Variants in GRM7 observed in about 807,000 individuals in gnomAD.
GRM7 encodes the protein metabotropic glutamate receptor 7.
In GRM7, 35 loss-of-function variants were observed where a neutral mutation model predicts 84.5. The ratio of observed to expected loss-of-function variants is 0.41; its 90% CI spans 0.32 to 0.55. The LOEUF (loss-of-function observed/expected upper bound fraction) is 0.55. Ranked by LOEUF, GRM7 falls within the 20% of genes least tolerant of loss-of-function variation. The pLI, the probability that GRM7 is intolerant of heterozygous loss-of-function variation, is 0.19. For synonymous variants in GRM7, 487 were observed against 455.1 expected (o/e 1.07, Z -0.89); for missense variants, 1,003 against 1,194.6 (o/e 0.84, Z 2.36).
chr3:7,075,645 C>T (rs1042278900), intron 1 of GRM7, among the ~76,000 whole-genome samples: 8 of 151,926 alleles, frequency 5.3e-5, no homozygotes, highest in African/African-American at 1.9e-4. Flanking sequence ...TGTGCCTCAA[C>T]CTCCTGAGTA....
At chr3:7,271,072 A>G (rs1006099780) in intron 2 of GRM7, among the ~76,000 whole-genome samples, 7 of 152,196 alleles carry the variant, frequency 4.6e-5, no homozygotes, top group Non-Finnish European at 8.8e-5. Flanking sequence ...ACTAGTACAC[A>G]GTTAAAGAAA....
At chr3:7,240,781 G>A (rs566887367) in intron 2 of GRM7, among the ~76,000 whole-genome samples, 16 of 152,146 alleles carry the variant, frequency 1.1e-4, no homozygotes, top group Admixed American at 3.9e-4. Context: ...GACACATGCA[G>A]CATAACAATG....
At chr3:7,091,368 A>G (rs1698657848) in intron 1 of GRM7, among the ~76,000 whole-genome samples, 1 of 152,238 alleles carries the variant, frequency 6.6e-6, no homozygotes, top group Non-Finnish European at 1.5e-5. Flanking sequence ...ACTATAAGAC[A>G]TCATTTCTAC....
intron 1 of GRM7, among the ~76,000 whole-genome samples, chr3:7,091,871 G>T (rs999313468): frequency 6.6e-6 from 1 of 151,112 alleles, no homozygotes; most frequent in African/African-American, 2.4e-5. Context: ...CACAATGTAG[G>T]ACAGTTCTTT....
intron 7 of GRM7, among the ~76,000 whole-genome samples, chr3:7,568,260 A>G (rs73809425): frequency 0.022 from 3,290 of 151,852 alleles, 142 homozygotes; most frequent in African/African-American, 0.073. Context: ...TAAAGACAAG[A>G]TGTATTAGAC....
At chr3:7,340,911 TAGTG>T (rs1385816958) in intron 4 of GRM7, among the ~76,000 whole-genome samples, 1 of 152,028 alleles carries the variant, frequency 6.6e-6, no homozygotes, top group East Asian at 1.9e-4. Context: ...CTAGAACTGG[TAGTG>T]AGGGCTGGTA....
In GRM7 at chr3:7,023,077, A is replaced by G. The variant is rs115814985; in HGVS notation, c.520-123375A>G. Among the ~76,000 whole-genome samples, 130 of 152,134 alleles carry G rather than the reference A, an allele frequency of 8.5e-4. 1 individual carries two copies. The highest frequency in any genetic ancestry group is 1.4e-3 in the Non-Finnish European group (95 of 67,996). ...GGAGGCAGATATCATGAGAAGGCGA[A>G]TGGTGGAGTCGCACAGGAACAAAAG... is the stretch of plus-strand genomic sequence containing the variant. On this transcript the variant is annotated intron_variant, in intron 1 of 9. Transcript: ENST00000357716.
At chr3:7,536,245 A>G (rs1701238192) in intron 7 of GRM7, among the ~76,000 whole-genome samples, 1 of 152,176 alleles carries the variant, frequency 6.6e-6, no homozygotes, top group African/African-American at 2.4e-5. Flanking sequence ...TAATCCCAGG[A>G]AGCATGGTAA....
At position 7,486,602 on chromosome 3, in the gene GRM7, G is replaced by A. The variant is rs1423116284; in HGVS notation, c.1515+24880G>A. Among the ~76,000 whole-genome samples the A allele has an allele frequency of 6.6e-6, 1 of 152,172 alleles. No individual in the cohort carries two copies. The highest frequency in any genetic ancestry group is 1.5e-5 in the Non-Finnish European group (1 of 68,038). The stretch of plus-strand genomic sequence containing the variant: ...AAGTTTGTTCTCTCTGCACACACCT[G>A]CTTCTTTCACTTCTCTGCCATGTTG... On this transcript the variant is annotated intron_variant, in intron 7 of 9. Coordinates refer to ENST00000357716, the MANE Select transcript of GRM7 (RefSeq NM_000844.4). This position sits in a 1 kb window ranked among gnomAD's most constrained non-coding sequence, Gnocchi z 5.5.
chr3:7,718,292 C>T (rs1701833963), intron 9 of GRM7, among the ~76,000 whole-genome samples: 1 of 152,154 alleles, frequency 6.6e-6, no homozygotes, highest in African/African-American at 2.4e-5. Flanking sequence ...TAATCCCTTC[C>T]CTTCCCATTT....
At chr3:7,147,417 A>G (rs1253002522) in intron 2 of GRM7, among the ~76,000 whole-genome samples, 3 of 152,068 alleles carry the variant, frequency 2.0e-5, no homozygotes, top group Non-Finnish European at 4.4e-5. Flanking sequence ...ATGCATGCTT[A>G]GATATTCCCA....
At chr3:7,429,687 A>C (rs893020472) in intron 5 of GRM7, among the ~76,000 whole-genome samples, 3 of 152,092 alleles carry the variant, frequency 2.0e-5, no homozygotes. Context: ...CCGAAAAGTC[A>C]CTTGGCTAGC....
intron 2 of GRM7, among the ~76,000 whole-genome samples, chr3:7,203,908 T>C (rs1194711343): frequency 6.6e-6 from 1 of 152,186 alleles, no homozygotes; most frequent in Non-Finnish European, 1.5e-5. Flanking sequence ...AAAGATTCTC[T>C]AGAGAAGATG....
intron 1 of GRM7, among the ~76,000 whole-genome samples, chr3:6,878,253 CA>C (rs1695384613): frequency 6.6e-6 from 1 of 151,952 alleles, no homozygotes; most frequent in Non-Finnish European, 1.5e-5. Flanking sequence ...TTGAAGATGG[CA>C]AACATTGACT....
At position 7,271,554 on chromosome 3, in the gene GRM7, G is replaced by A. The variant is rs1196195990; in HGVS notation, c.737-27130G>A. On this transcript the variant is annotated intron_variant, in intron 2 of 9. Transcript: ENST00000357716. Reference sequence around the variant, plus strand: ...AGCCTGGGCGACAGAGTGAGAGACCGCCTCAAATAAAAAAAAAAAAAAAAA... The same window carrying A: ...AGCCTGGGCGACAGAGTGAGAGACCACCTCAAATAAAAAAAAAAAAAAAAA... Among the ~76,000 whole-genome samples the A allele has an allele frequency of 7.1e-5, 7 of 98,962 alleles. No individual in the cohort carries two copies. In the East Asian group the frequency reaches 1.8e-3, roughly 26 times the overall value. 64.9% of individuals were successfully genotyped at this position (98,962 alleles called of 152,430 possible).
intron 1 of GRM7, among the ~76,000 whole-genome samples, chr3:7,126,354 G>A (rs1406582338): frequency 1.3e-5 from 2 of 152,202 alleles, no homozygotes; most frequent in African/African-American, 4.8e-5. Context: ...GAGGTCAAAT[G>A]TGTGGCACTC....
chr3:7,460,324 T>C lies in GRM7; in HGVS notation c.1376-1259T>C, dbSNP rs181992462. 3.9e-5 allele frequency among the ~76,000 whole-genome samples: 6 copies of C among 152,266 alleles called. No individual in the cohort carries two copies. The East Asian group carries it at 1.2e-3, about 29-fold the overall frequency. The stretch of plus-strand genomic sequence containing the variant: ...TTCAGCTCCCCAGACAAATGTATTT[T>C]TCATTGCACCAAAGTTGCCCTCTTC... On this transcript the variant is annotated intron_variant, in intron 6 of 9. Transcript: ENST00000357716.
intron 8 of GRM7, among the ~76,000 whole-genome samples, chr3:7,627,186 T>TA (rs1559448691): frequency 6.6e-6 from 1 of 152,206 alleles, no homozygotes; most frequent in African/African-American, 2.4e-5. Context: ...ATGTGTTTTT[T>TA]AAATCACTTT....
At chr3:7,677,125 G>A (rs553793666) in intron 8 of GRM7, among the ~76,000 whole-genome samples, 30 of 151,842 alleles carry the variant, frequency 2.0e-4, no homozygotes, top group African/African-American at 3.9e-4. Flanking sequence ...AGCCGGGCGC[G>A]GTGGCACGTG....
Sources: allele counts gnomAD v4.1 joint callset (sites outside exome capture counted in the v4.1 genomes callset), GRCh38; gene constraint gnomAD v4.1.1; non-coding constraint Gnocchi (gnomAD v3.1); transcripts MANE v1.5; gene names NCBI Gene and HGNC (gene_info 2026-07-23, HGNC 2026-07-21).